The following RSPO1 variants were observed in gnomAD, a reference collection of about 807,000 sequenced individuals.
RSPO1 encodes the protein R-spondin 1.
In RSPO1, 18 loss-of-function variants were observed where a neutral mutation model predicts 26.0. That is an observed-to-expected ratio of 0.69 (90% CI 0.48 to 1.03). RSPO1 has a LOEUF of 1.03. Ranked by LOEUF, RSPO1 falls within the 50% of genes least tolerant of loss-of-function variation. RSPO1 has a pLI of 0.00. For synonymous variants in RSPO1, 133 were observed against 137.4 expected (o/e 0.97, Z 0.22); for missense variants, 309 against 352.3 (o/e 0.88, Z 0.98).
At chr1:37,627,242 T>C (rs554692707) in intron 3 of RSPO1, among the ~76,000 whole-genome samples, 12 of 152,172 alleles carry the variant, frequency 7.9e-5, no homozygotes, top group Admixed American at 3.9e-4. Flanking sequence ...TCCACGCTTG[T>C]CTTATCGAGA....
intron 3 of RSPO1, among the ~76,000 whole-genome samples, chr1:37,616,998 C>G (rs976337868): frequency 2.6e-5 from 4 of 152,202 alleles, no homozygotes; most frequent in African/African-American, 9.7e-5. Context: ...ATCCACTCTC[C>G]CCAGAGCACA....
Position 37,616,556 on chromosome 1 carries a change from C to G in RSPO1, c.214G>C (p.Val72Leu). 6.2e-7 allele frequency: 1 copy of G among 1,614,220 alleles called. No homozygotes were observed. The highest frequency in any genetic ancestry group is 8.5e-7 in the Non-Finnish European group (1 of 1,180,042). ...ILLERNDIRQ[V>L]GVCLPSCPPG... is the part of the protein sequence containing the mutation. ...GGGCAGGACGGCAAGCAGACGCCCA[C>G]CTGGCGGATGTCGTTCCTCTCCAGC... Residue 72 changes from valine (V) to leucine (L), a missense_variant, in exon 4 of 7, where the codon GTG (valine) becomes CTG (leucine). Val to Leu is a conservative substitution (Grantham distance 32). Transcript: ENST00000356545.
At chr1:37,631,051 T>C (rs1251581636) in intron 2 of RSPO1, among the ~76,000 whole-genome samples, 2 of 152,128 alleles carry the variant, frequency 1.3e-5, no homozygotes, top group Admixed American at 6.5e-5. Context: ...GAATGAGAAA[T>C]CTGAGGTGCT....
At position 37,624,284 on chromosome 1, in the gene RSPO1, C is replaced by T. The variant is rs144289246; in HGVS notation, c.94+5284G>A. On this transcript the variant is annotated intron_variant, in intron 3 of 6. Transcript: ENST00000356545. ...TCTAAAAGAAAAGAAGGAACAAAAG[C>T]AAGAAATTTCCCTCCTGCTGCTGCC... Among the ~76,000 whole-genome samples the T allele has an allele frequency of 3.8e-3, 580 of 152,274 alleles. 2 individuals are homozygous for T. Among genetic ancestry groups the T allele is most frequent in the African/African-American group, 0.013 (547 of 41,560 alleles).
intron 3 of RSPO1, among the ~76,000 whole-genome samples, 155 bp from the exon 4 acceptor site, chr1:37,616,830 G>GCT (rs1644121685): frequency 6.6e-6 from 1 of 152,206 alleles, no homozygotes; most frequent in Non-Finnish European, 1.5e-5. Flanking sequence ...CTCTCTGCAA[G>GCT]GCTGCTTTAT....
At position 37,629,870 on chromosome 1, in the gene RSPO1, G is replaced by A. The variant is rs1330884034; in HGVS notation, c.-209C>T. The A allele has an allele frequency of 6.4e-6, 10 of 1,550,560 alleles. No individual in the cohort carries two copies. The highest frequency in any genetic ancestry group is 4.1e-5 in the African/African-American group (3 of 73,038). Reference sequence around the variant, plus strand: ...CAGCTCAAAGGGAGGTCCTCAAAGAGAGACTTCCTCAAAGATACCTCGGAA... The same window carrying A: ...CAGCTCAAAGGGAGGTCCTCAAAGAAAGACTTCCTCAAAGATACCTCGGAA... On this transcript the variant is annotated 5_prime_UTR_variant, in exon 3 of 7. Transcript: ENST00000356545.
chr1:37,616,647 G>T lies in RSPO1; in HGVS notation c.123C>A (p.Ala41=). ...CTTCAGAGCAGAGCTCACAGCCTTT[G>T]GCACAGGCCTGGCTCCCCTCGGCAC... The part of the protein sequence containing the change: ...RISAEGSQAC[A]KGCELCSEVN... Residue 41 remains alanine, a synonymous_variant, in exon 4 of 7, where the codon GCC becomes GCA. Transcript: ENST00000356545. 1 of 1,614,128 alleles carries T rather than the reference G, an allele frequency of 6.2e-7. No individual in the cohort carries two copies. The highest frequency in any genetic ancestry group is 2.2e-5 in the East Asian group (1 of 44,886).
At chr1:37,631,393 A>G (rs540959456) in intron 2 of RSPO1, among the ~76,000 whole-genome samples, 22 of 151,654 alleles carry the variant, frequency 1.5e-4, no homozygotes, top group Admixed American at 1.1e-3. Context: ...CCCCTCCAGT[A>G]CTCCCTGCCT....
chr1:37,619,196 C>T (rs537216550), intron 3 of RSPO1, among the ~76,000 whole-genome samples: 15 of 152,174 alleles, frequency 9.9e-5, no homozygotes, highest in Non-Finnish European at 1.8e-4. Context: ...GCACTCCAGC[C>T]TGAGTGACAG....
At chr1:37,619,749 CT>C (rs532159602) in intron 3 of RSPO1, among the ~76,000 whole-genome samples, 5,008 of 144,946 alleles carry the variant, frequency 0.035, 84 homozygotes, top group Non-Finnish European at 0.04. Flanking sequence ...ATATATTATC[CT>C]TTTTTTTTTT....
intron 3 of RSPO1, among the ~76,000 whole-genome samples, chr1:37,627,347 C>T (rs184478546): frequency 1.2e-3 from 168 of 144,216 alleles, no homozygotes; most frequent in Middle Eastern, 3.6e-3. Context: ...GTTTATATAA[C>T]AATGATTTGC....
Position 37,629,606 on chromosome 1 carries a change from A to G in RSPO1, c.56T>C (p.Ile19Thr). The change falls in exon 3 of 7, where the codon ATC becomes ACC. Residue 19 changes from isoleucine (I) to threonine (T), a missense_variant. Transcript: ENST00000356545. ...TTTCCCCTTGATCCCCCGGCTGCTG[A>G]TGGTGAGGTGCGTCCAGCTCAGAAC... ...ALVLSWTHLTISSRGIKGKRQ... is the reference protein window; with the variant it reads ...ALVLSWTHLTTSSRGIKGKRQ... The G allele has an allele frequency of 6.2e-7, 1 of 1,613,996 alleles. No individual in the cohort carries two copies. The highest frequency in any genetic ancestry group is 8.5e-7 in the Non-Finnish European group (1 of 1,180,000).
intron 3 of RSPO1, among the ~76,000 whole-genome samples, chr1:37,626,232 C>T (rs1367366303): frequency 6.6e-6 from 1 of 152,156 alleles, no homozygotes; most frequent in African/African-American, 2.4e-5. Context: ...CCCGGACCCT[C>T]CCCTCAGCCC....
At position 37,613,846 on chromosome 1, in the gene RSPO1, C is replaced by T; in HGVS notation, c.483G>A (p.Lys161=). The T allele has an allele frequency of 1.9e-6, 3 of 1,614,084 alleles. No homozygotes were observed. Among genetic ancestry groups the T allele is most frequent in the Non-Finnish European group, 2.5e-6 (3 of 1,179,954 alleles). The change falls in exon 6 of 7, where the codon AAG becomes AAA. Residue 161 remains lysine (K), a synonymous_variant. Transcript: ENST00000356545. The surrounding 1 kb of genome is among the most constrained non-coding windows in gnomAD (Gnocchi z 4.5). ...TCCGGAAACCACAGAGCTGCTGCTTCTTGGAGCAGGGCCCCCACGGAGACC... is the reference window on the plus strand; with the variant it reads ...TCCGGAAACCACAGAGCTGCTGCTTTTTGGAGCAGGGCCCCCACGGAGACC... ...SEWSPWGPCS[K]KQQLCGFRRG...
Position 37,613,215 on chromosome 1 carries a change from A to G in RSPO1, c.626-294T>C, listed in dbSNP as rs544604249. Among the ~76,000 whole-genome samples, 12 of 152,208 alleles carry G rather than the reference A, an allele frequency of 7.9e-5. No homozygotes were observed. The highest frequency in any genetic ancestry group is 1.6e-4 in the Non-Finnish European group (11 of 68,028). On this transcript the variant is annotated intron_variant, in intron 6 of 6. Transcript: ENST00000356545. The surrounding 1 kb of genome is among the most constrained non-coding windows in gnomAD (Gnocchi z 4.5). ...TGGATTCCTCAGACCTTGGATCCCA[A>G]TGGACCAAGAGCACTTCCCAGGTAT...
intron 3 of RSPO1, among the ~76,000 whole-genome samples, chr1:37,623,187 A>G (rs1185182647): frequency 6.9e-6 from 1 of 143,936 alleles, no homozygotes; most frequent in African/African-American, 2.6e-5. Context: ...CAAGGGGGAC[A>G]GGAAGCACAG....
rs376239382 is a variant in RSPO1 at position 37,613,545 on chromosome 1, G to C, written c.625+159C>G. On this transcript the variant is annotated intron_variant, in intron 6 of 6. Transcript: ENST00000356545. This position sits in a 1 kb window ranked among gnomAD's most constrained non-coding sequence, Gnocchi z 4.5. ...AGGCCCTGTTCTCTGCCAGGACATG[G>C]CATCTGGATTGGACAGCATGAGGTC... Among the ~76,000 whole-genome samples the C allele has an allele frequency of 1.3e-5, 2 of 152,250 alleles. No individual in the cohort carries two copies.
In RSPO1 at chr1:37,613,832, C is replaced by G. The variant is rs1305138048; in HGVS notation, c.497G>C (p.Cys166Ser). The change falls in exon 6 of 7, where the codon TGT becomes TCT. Residue 166 changes from cysteine to serine, a missense_variant. Coordinates refer to ENST00000356545, the MANE Select transcript of RSPO1 (RefSeq NM_001242908.2). The surrounding 1 kb of genome is among the most constrained non-coding windows in gnomAD (Gnocchi z 4.5). ...WGPCSKKQQL[C>S]GFRRGSEERT... ...CTCCTCGGAGCCCCTCCGGAAACCA[C>G]AGAGCTGCTGCTTCTTGGAGCAGGG... is the stretch of plus-strand genomic sequence containing the variant. 17 of 1,613,998 alleles carry G rather than the reference C, an allele frequency of 1.1e-5. No homozygotes were observed. Among genetic ancestry groups the G allele is most frequent in the Non-Finnish European group, 1.4e-5 (17 of 1,180,022 alleles).
chr1:37,631,704 G>T (rs923454659), intron 2 of RSPO1: 1 of 152,338 alleles, frequency 6.6e-6, no homozygotes, highest in African/African-American at 2.4e-5. Context: ...ACACAAAACT[G>T]CTTAGAATGG....
Sources: gnomAD v4.1 joint callset for allele counts (sites outside exome capture counted in the v4.1 genomes callset) on GRCh38, gnomAD v4.1.1 for gene constraint, Gnocchi (gnomAD v3.1) non-coding constraint, MANE v1.5 for transcripts, NCBI Gene and HGNC (gene_info 2026-07-23, HGNC 2026-07-21) for gene names.